Variants in FLNA observed in about 807,000 individuals in gnomAD.
FLNA encodes filamin-A.
Under a neutral mutation model 157.6 loss-of-function variants are expected in FLNA, and 7 were observed. The ratio of observed to expected loss-of-function variants is 0.04; its 90% CI spans 0.03 to 0.08. FLNA has a LOEUF of 0.08. FLNA is among the 10% of genes least tolerant of loss of function. The pLI is 1.00. For synonymous variants in FLNA, 1,103 were observed against 1,060.8 expected, an observed-to-expected ratio of 1.04 and a Z score of -0.77; for missense variants, 1,750 against 2,398.4, an observed-to-expected ratio of 0.73 and a Z score of 5.65.
chrX:154,371,328 C>T lies in FLNA; in HGVS notation c.-83G>A. 2 of 1,110,961 alleles carry T rather than the reference C, an allele frequency of 1.8e-6. No homozygotes were observed. The highest frequency in any genetic ancestry group is 2.4e-6 in the Non-Finnish European group (2 of 831,482). The allele number at this position is 1,110,961 out of a possible 1,213,427, so 91.6% of individuals were successfully genotyped here. On this transcript the variant is annotated 5_prime_UTR_variant, in exon 2 of 48. Coordinates refer to ENST00000369850, the MANE Select transcript of FLNA (RefSeq NM_001110556.2). ...TTAATTAAAGTCGCAGGCACCTAGGCGCGCGGGAGGCGAGGCAGGGAGCAG... is the reference window on the plus strand; with the variant it reads ...TTAATTAAAGTCGCAGGCACCTAGGTGCGCGGGAGGCGAGGCAGGGAGCAG...
chrX:154,361,471 G>T lies in FLNA; in HGVS notation c.3044C>A (p.Ala1015Glu). 8.3e-7 allele frequency: 1 copy of T among 1,210,926 alleles called. No individual in the cohort carries two copies. Among genetic ancestry groups the T allele is most frequent in the Non-Finnish European group, 1.1e-6 (1 of 895,188 alleles). Reference protein sequence around the residue: ...ASKIVGPSGAAVPCKVEPGLG... With the variant: ...ASKIVGPSGAEVPCKVEPGLG... ...GCCTGGCTCCACCTTGCAGGGCACC[G>T]CTGCACCCGAGGGGCCCACAATCTT... Residue 1015 changes from alanine to glutamate, a missense_variant, in exon 21 of 48, where the codon GCG (alanine) becomes GAG (glutamate). Ala to Glu is a moderately radical substitution (Grantham distance 107, BLOSUM62 -1). This residue lies in a region of FLNA where 648 missense variants were observed against 805.8 expected (regional missense o/e 0.80). Transcript: ENST00000369850.
rs781817984 is a variant in FLNA at position 154,358,954 on chromosome X, A to T, written c.4474+30T>A. 5.0e-6 allele frequency: 6 copies of T among 1,205,249 alleles called. No homozygotes were observed. In the East Asian group the frequency reaches 1.8e-4, roughly 36 times the overall value. ...CCTCAAACAGGACACTGCCCTCCTG[A>T]CCCCTGGCTCCAGGCATGCAAACAC... is the stretch of plus-strand genomic sequence containing the variant. On this transcript the variant is annotated intron_variant, in intron 26 of 47. Coordinates refer to ENST00000369850, the MANE Select transcript of FLNA (RefSeq NM_001110556.2).
chrX:154,364,668 C>T lies in FLNA; in HGVS notation c.1880G>A (p.Gly627Asp). 8.3e-7 allele frequency: 1 copy of T among 1,211,039 alleles called. No homozygotes were observed. The highest frequency in any genetic ancestry group is 1.1e-6 in the Non-Finnish European group (1 of 895,401). Reference sequence around the variant, plus strand: ...GTAGCGCACATCACAGGAGCCGTCGCCCTTGTCGTCACATTCGATCTTAGC... The same window carrying T: ...GTAGCGCACATCACAGGAGCCGTCGTCCTTGTCGTCACATTCGATCTTAGC... Reference protein sequence around the residue: ...SQAKIECDDKGDGSCDVRYWP... With the variant: ...SQAKIECDDKDDGSCDVRYWP... The change falls in exon 13 of 48, where the codon GGC (glycine) becomes GAC (aspartate). Residue 627 changes from glycine to aspartate, a missense_variant. Gly to Asp is a moderately conservative substitution (Grantham distance 94). This residue lies in a region of FLNA where 648 missense variants were observed against 805.8 expected (regional missense o/e 0.80). Coordinates refer to ENST00000369850, the MANE Select transcript of FLNA (RefSeq NM_001110556.2).
At position 154,366,623 on chromosome X, in the gene FLNA, T is replaced by C. The variant is rs1453222180; in HGVS notation, c.1004A>G (p.Asn335Ser). ...GHQEEAKVTA[N>S]NDKNRTFSVW... ...GGAGAAGGTGCGGTTCTTGTCGTTA[T>C]TGGCGGTCACTTTTGCCTGCAGTGG... The change falls in exon 7 of 48, where the codon AAT (asparagine) becomes AGT (serine). Residue 335 changes from asparagine to serine, a missense_variant. By Grantham distance (46) the Asn-to-Ser change is conservative. Around this residue, in one of 5 missense-constraint regions of FLNA, gnomAD observed 648 missense variants for 805.8 expected, o/e 0.80. Coordinates refer to ENST00000369850, the MANE Select transcript of FLNA (RefSeq NM_001110556.2). The C allele has an allele frequency of 1.7e-6, 2 of 1,210,754 alleles. No homozygotes were observed. Among genetic ancestry groups the C allele is most frequent in the Non-Finnish European group, 2.2e-6 (2 of 895,119 alleles).
chrX:154,371,417 C>T, intron 1 of FLNA, 56 bp from the exon 2 acceptor site: 1 of 565,879 alleles, frequency 1.8e-6, no homozygotes, highest in Non-Finnish European at 2.7e-6. Flanking sequence ...AGAGGGCGGG[C>T]CTCCTGCGGG....
rs587780335 is a variant in FLNA, at chrX:154,364,380, G to A, written c.2023-8C>T. ...AGGCCCACGTGCCTTCACCTAGCGG[G>A]AGACCACCCAGCTGTCAGGGGGCCA... is the stretch of plus-strand genomic sequence containing the variant. On this transcript the variant is annotated splice_region_variant and splice_polypyrimidine_tract_variant and intron_variant, in intron 13 of 47. Coordinates refer to ENST00000369850, the MANE Select transcript of FLNA (RefSeq NM_001110556.2). 67 of 1,205,549 alleles carry A rather than the reference G, an allele frequency of 5.6e-5. No individual in the cohort carries two copies. The Admixed American group carries it at 1.3e-3, about 24-fold the overall frequency.
At chrX:154,352,138 G>A in intron 41 of FLNA, 43 bp downstream of exon 41, 2 of 1,208,924 alleles carry the variant, frequency 1.7e-6, no homozygotes, top group Non-Finnish European at 2.2e-6. Context: ...CCCCACCCTG[G>A]CCAACGCAGG....
At chrX:154,369,499 G>A (rs868955058) in intron 2 of FLNA, among the ~76,000 whole-genome samples, 11 of 37,712 alleles carry the variant, frequency 2.9e-4, no homozygotes, top group Non-Finnish European at 1.1e-4. Flanking sequence ...GGATGGCCCC[G>A]CCCCATCCCA....
In FLNA at chrX:154,348,861, A is replaced by C; in HGVS notation, c.7932T>G (p.Val2644=). The change falls in exon 48 of 48, where the codon GTT becomes GTG. Residue 2644 remains valine, a synonymous_variant. Transcript: ENST00000369850. ...DEHIPGSPYR[V]VVP ...ACGGGCCCCAGACTCAGGGCACCAC[A>C]ACGCGGTAGGGGCTGCCTGGGATGT... The C allele has an allele frequency of 1.7e-6, 2 of 1,207,074 alleles. No homozygotes were observed. Among genetic ancestry groups the C allele is most frequent in the Non-Finnish European group, 2.2e-6 (2 of 892,635 alleles).
In FLNA at chrX:154,348,674, G is replaced by A. The variant is rs1241275024; in HGVS notation, c.*175C>T. 5 of 431,991 alleles carry A rather than the reference G, an allele frequency of 1.2e-5. No individual in the cohort carries two copies. The highest frequency in any genetic ancestry group is 4.5e-5 in the Admixed American group (1 of 22,056). The allele number at this position is 431,991 out of a possible 1,213,427, so 35.6% of individuals were successfully genotyped here. On this transcript the variant is annotated 3_prime_UTR_variant, in exon 48 of 48. Transcript: ENST00000369850. ...GGCTCCCTCTGCCCAAGTGAAAGCCGAGAGGTCAGCGGCTGGCTGGGGAGG... is the reference window on the plus strand; with the variant it reads ...GGCTCCCTCTGCCCAAGTGAAAGCCAAGAGGTCAGCGGCTGGCTGGGGAGG...
At chrX:154,349,979 G>A in intron 45 of FLNA, 52 bp downstream of exon 45, 1 of 1,198,572 alleles carries the variant, frequency 8.3e-7, no homozygotes, top group Non-Finnish European at 1.1e-6. Flanking sequence ...AGAGCTTGGA[G>A]GCAAGGGCCT....
In FLNA at chrX:154,352,682, G is replaced by A; in HGVS notation, c.6380-7C>T. ...TTCACAGAGAAGGGGCTGCCTGCAG[G>A]AAGAAAGCACGGCCCACGCCCCTCC... On this transcript the variant is annotated splice_polypyrimidine_tract_variant and splice_region_variant and intron_variant, in intron 39 of 47. Coordinates refer to ENST00000369850, the MANE Select transcript of FLNA (RefSeq NM_001110556.2). 8.3e-7 allele frequency: 1 copy of A among 1,211,834 alleles called. No individual in the cohort carries two copies. The highest frequency in any genetic ancestry group is 1.1e-6 in the Non-Finnish European group (1 of 895,592).
At position 154,371,362 on chromosome X, in the gene FLNA, C is replaced by A; in HGVS notation, c.-116-1G>T. 1 of 945,574 alleles carries A rather than the reference C, an allele frequency of 1.1e-6. No homozygotes were observed. The highest frequency in any genetic ancestry group is 1.9e-5 in the African/African-American group (1 of 51,762). The allele number at this position is 945,574 out of a possible 1,213,427, so 77.9% of individuals were successfully genotyped here. ...GGCGAGGCAGGGAGCAGAGGTTGCG[C>A]TGCGGAGAGAGCGAGCCCTTTAAAT... On this transcript the variant is annotated splice_acceptor_variant, in intron 1 of 47. Coordinates refer to ENST00000369850, the MANE Select transcript of FLNA (RefSeq NM_001110556.2). LOFTEE classifies it low-confidence loss of function (5UTR_SPLICE).
rs782409994 is a variant in FLNA at position 154,354,107 on chromosome X, G to C, written c.5557+44C>G. The C allele has an allele frequency of 2.3e-5, 28 of 1,210,718 alleles. No homozygotes were observed. In the Admixed American group the frequency reaches 5.9e-4, roughly 25 times the overall value. ...GTGTGTCCCCCAGCCCCATCTCTCT[G>C]TGAGGTGGTGGCGGTGGAGTGGGCA... On this transcript the variant is annotated intron_variant, in intron 34 of 47. Transcript: ENST00000369850.
At position 154,359,797 on chromosome X, in the gene FLNA, G is replaced by A. The variant is rs782752974; in HGVS notation, c.3914C>T (p.Thr1305Met). The A allele has an allele frequency of 5.8e-6, 7 of 1,210,553 alleles. No homozygotes were observed. In the South Asian group the frequency reaches 8.8e-5, roughly 15 times the overall value. Reference protein sequence around the residue: ...ARVANPSGNLTETYVQDRGDG... With the variant: ...ARVANPSGNLMETYVQDRGDG... ...GCCACGGTCCTGAACGTAGGTCTCC[G>A]TCAGGTTGCCTGAGGGGTTGGCCAC... The change falls in exon 23 of 48, where the codon ACG becomes ATG. Residue 1305 changes from threonine to methionine, a missense_variant. Physicochemically the swap from Thr to Met is moderately conservative, Grantham distance 81. This residue lies in a region of FLNA where 970 missense variants were observed against 1,302.6 expected (regional missense o/e 0.74). Coordinates refer to ENST00000369850, the MANE Select transcript of FLNA (RefSeq NM_001110556.2).
At chrX:154,368,164 G>T in intron 2 of FLNA, 74 bp from the exon 3 acceptor site, 1 of 1,200,195 alleles carries the variant, frequency 8.3e-7, no homozygotes, top group East Asian at 3.0e-5. Context: ...TGGGGTCAGG[G>T]TCTGGCAGCA....
Position 154,358,243 on chromosome X carries a change from C to G in FLNA, c.4711G>C (p.Asp1571His). 8.3e-7 allele frequency: 1 copy of G among 1,211,074 alleles called. No individual in the cohort carries two copies. The highest frequency in any genetic ancestry group is 1.7e-5 in the African/African-American group (1 of 57,904). ...AGGCCCTCCCCGGCGTCCTTTGCAT[C>G]GATGGTGAACTCCACGGGCAGGCTG... ...PASLPVEFTI[D>H]AKDAGEGLLA... The change falls in exon 28 of 48, where the codon GAT (aspartate) becomes CAT (histidine). Residue 1571 changes from aspartate (D) to histidine (H), a missense_variant. Around this residue, in one of 5 missense-constraint regions of FLNA, gnomAD observed 970 missense variants for 1,302.6 expected, o/e 0.74. Coordinates refer to ENST00000369850, the MANE Select transcript of FLNA (RefSeq NM_001110556.2).
Position 154,349,858 on chromosome X carries a change from G to A in FLNA, c.7343C>T (p.Ala2448Val). Residue 2448 changes from alanine (A) to valine (V), a missense_variant, in exon 46 of 48, where the codon GCT becomes GTT. This residue lies in a region of FLNA where 970 missense variants were observed against 1,302.6 expected (regional missense o/e 0.74). Coordinates refer to ENST00000369850, the MANE Select transcript of FLNA (RefSeq NM_001110556.2). ...GLEGGVTGNPAEFVVNTSNAG... is the reference protein window; with the variant it reads ...GLEGGVTGNPVEFVVNTSNAG... The stretch of plus-strand genomic sequence containing the variant: ...ATTGCTCGTGTTCACGACGAACTCA[G>A]CTGGGTTCCCTGGGAGCACAGGAGG... The A allele has an allele frequency of 8.3e-7, 1 of 1,210,716 alleles. No individual in the cohort carries two copies. Among genetic ancestry groups the A allele is most frequent in the Non-Finnish European group, 1.1e-6 (1 of 894,852 alleles).
intron 30 of FLNA, among the ~76,000 whole-genome samples, chrX:154,356,930 G>A (rs2067667509): frequency 8.9e-6 from 1 of 112,129 alleles, no homozygotes; most frequent in Admixed American, 9.3e-5. Flanking sequence ...CTCCCTGGGT[G>A]CCAAGATCCC....
Sources: gnomAD v4.1 joint callset for allele counts (sites outside exome capture counted in the v4.1 genomes callset) on GRCh38, gnomAD v4.1.1 for gene constraint, gnomAD v4.1.1 regional missense constraint, MANE v1.5 for transcripts, NCBI Gene and HGNC (gene_info 2026-07-23, HGNC 2026-07-21) for gene names.